The following ZBTB20 variants were observed in gnomAD, a reference collection of about 807,000 sequenced individuals.
ZBTB20 encodes the protein zinc finger and BTB domain containing 20.
ZBTB20 carries 9 observed loss-of-function variants against 56.9 expected under a neutral mutation model. The ratio of observed to expected loss-of-function variants is 0.16; its 90% CI spans 0.10 to 0.28. ZBTB20 has a LOEUF of 0.28. Ranked by LOEUF, ZBTB20 falls within the 10% of genes least tolerant of loss-of-function variation. ZBTB20 has a pLI of 1.00. For synonymous variants in ZBTB20, 417 were observed against 420.7 expected (o/e 0.99, Z 0.11); for missense variants, 655 against 1,003.0 (o/e 0.65, Z 4.69).
intron 2 of ZBTB20, among the ~76,000 whole-genome samples, chr3:114,975,919 T>G (rs2078079835): frequency 6.6e-6 from 1 of 152,198 alleles, no homozygotes; most frequent in Admixed American, 6.5e-5. Flanking sequence ...GAATAGTGCC[T>G]GCCATATACT....
At chr3:114,882,447 T>C (rs1489911505) in intron 4 of ZBTB20, among the ~76,000 whole-genome samples, 2 of 152,014 alleles carry the variant, frequency 1.3e-5, no homozygotes, top group Non-Finnish European at 2.9e-5. Flanking sequence ...GCTATGTGGA[T>C]ATTAAAATAA....
At chr3:114,808,172 CTT>C (rs1406046355) in intron 4 of ZBTB20, among the ~76,000 whole-genome samples, 1 of 151,998 alleles carries the variant, frequency 6.6e-6, no homozygotes, top group African/African-American at 2.4e-5. Flanking sequence ...TCTATTTCCT[CTT>C]GAGTCAGTTT....
intron 5 of ZBTB20, among the ~76,000 whole-genome samples, chr3:114,736,715 C>T (rs1337372802): frequency 6.6e-6 from 1 of 152,062 alleles, no homozygotes; most frequent in African/African-American, 2.4e-5. Flanking sequence ...ATGACAGCAG[C>T]TGTGAAATGG....
chr3:114,582,521 A>G (rs954519427), intron 6 of ZBTB20, among the ~76,000 whole-genome samples: 1 of 151,902 alleles, frequency 6.6e-6, no homozygotes. Context: ...AGTAGCTTAC[A>G]GGCACGTGCC....
chr3:115,068,694 G>A (rs553159883), intron 2 of ZBTB20, among the ~76,000 whole-genome samples: 1 of 152,148 alleles, frequency 6.6e-6, no homozygotes, highest in East Asian at 1.9e-4. Flanking sequence ...CCCCGAAAGT[G>A]ACCAATAGTG....
intron 1 of ZBTB20, among the ~76,000 whole-genome samples, chr3:115,093,501 T>C (rs2083273618): frequency 6.6e-6 from 1 of 152,194 alleles, no homozygotes; most frequent in Non-Finnish European, 1.5e-5. Context: ...TGAAACAACC[T>C]GAATTCATTC....
At chr3:114,958,330 T>C (rs2077320004) in intron 3 of ZBTB20, among the ~76,000 whole-genome samples, 1 of 152,206 alleles carries the variant, frequency 6.6e-6, no homozygotes, top group Admixed American at 6.5e-5. Context: ...GTGACAGTAA[T>C]AAACAGTTCA....
chr3:114,571,073 A>G (rs192202604), intron 6 of ZBTB20, among the ~76,000 whole-genome samples: 225 of 152,278 alleles, frequency 1.5e-3, no homozygotes, highest in Non-Finnish European at 2.9e-3. Context: ...TGTAATACTA[A>G]GGAAATTAAA....
intron 6 of ZBTB20, among the ~76,000 whole-genome samples, chr3:114,539,776 C>T (rs541289964): frequency 6.6e-5 from 10 of 152,180 alleles, no homozygotes; most frequent in African/African-American, 2.2e-4. Flanking sequence ...CTCTGAGCTG[C>T]TCGAGAAAAA....
At chr3:114,569,875 C>G (rs182728580) in intron 6 of ZBTB20, among the ~76,000 whole-genome samples, 210 of 152,240 alleles carry the variant, frequency 1.4e-3, no homozygotes, top group Non-Finnish European at 2.5e-3. Context: ...TTCTCTCTCT[C>G]TCTCCCCACC....
At chr3:114,561,197 T>C (rs2052000734) in intron 6 of ZBTB20, among the ~76,000 whole-genome samples, 2 of 152,210 alleles carry the variant, frequency 1.3e-5, no homozygotes, top group Admixed American at 1.3e-4. Flanking sequence ...CAGTTACTTC[T>C]TCTACTAAAG....
chr3:114,542,933 G>A (rs371448133), intron 6 of ZBTB20, among the ~76,000 whole-genome samples: 28 of 152,242 alleles, frequency 1.8e-4, no homozygotes, highest in African/African-American at 6.5e-4. Context: ...GGGTTTAAAC[G>A]AAAGCTGGAA....
intron 2 of ZBTB20, among the ~76,000 whole-genome samples, chr3:115,022,563 A>C (rs1183087620): frequency 6.6e-6 from 1 of 151,060 alleles, no homozygotes; most frequent in Non-Finnish European, 1.5e-5. Flanking sequence ...TTGCCATAGC[A>C]AAACCTGGCC....
chr3:114,371,097 T>G (rs2082951636), intron 10 of ZBTB20, among the ~76,000 whole-genome samples: 1 of 152,164 alleles, frequency 6.6e-6, no homozygotes, highest in East Asian at 1.9e-4. Context: ...CTCAAAATCT[T>G]GCTCATGGTA....
intron 6 of ZBTB20, among the ~76,000 whole-genome samples, chr3:114,501,754 G>A (rs1346760025): frequency 1.4e-5 from 2 of 143,702 alleles, no homozygotes; most frequent in East Asian, 2.1e-4. Context: ...TGTCACCCAG[G>A]CTGGAGTGCA....
At chr3:114,451,892 C>A (rs527599865) in intron 7 of ZBTB20, among the ~76,000 whole-genome samples, 1 of 152,114 alleles carries the variant, frequency 6.6e-6, no homozygotes, top group East Asian at 1.9e-4. Context: ...CACGAAGAAT[C>A]CCAGAATGAC....
At chr3:114,655,022 C>A (rs537997016) in intron 6 of ZBTB20, among the ~76,000 whole-genome samples, 4 of 152,116 alleles carry the variant, frequency 2.6e-5, no homozygotes, top group Non-Finnish European at 5.9e-5. Context: ...CTCAAGATAT[C>A]CATGTTATTA....
chr3:114,389,837 C>T (rs775787342), intron 7 of ZBTB20, among the ~76,000 whole-genome samples: 19 of 134,064 alleles, frequency 1.4e-4, no homozygotes, highest in Non-Finnish European at 2.1e-4. Context: ...TGCAGTGAGC[C>T]GAGATTGCAC....
At chr3:114,812,941 G>T (rs1007946876) in intron 4 of ZBTB20, among the ~76,000 whole-genome samples, 1 of 152,112 alleles carries the variant, frequency 6.6e-6, no homozygotes, top group Non-Finnish European at 1.5e-5. Context: ...CAGGCCGGCC[G>T]CTCCGAGTGC....
Sources: gnomAD v4.1 joint callset for allele counts (sites outside exome capture counted in the v4.1 genomes callset) on GRCh38, gnomAD v4.1.1 for gene constraint, MANE v1.5 for transcripts, NCBI Gene and HGNC (gene_info 2026-07-23, HGNC 2026-07-21) for gene names.